The following DAPK1 variants were observed in gnomAD, a reference collection of about 807,000 sequenced individuals.
DAPK1 encodes death-associated protein kinase 1.
DAPK1 carries 56 observed loss-of-function variants against 144.9 expected under a neutral mutation model. The ratio of observed to expected loss-of-function variants is 0.39; its 90% CI spans 0.31 to 0.48. The LOEUF (loss-of-function observed/expected upper bound fraction) is 0.48, where lower values mean the gene tolerates loss of function less well. Ranked by LOEUF, DAPK1 falls within the 20% of genes least tolerant of loss-of-function variation. The pLI, the probability that DAPK1 is intolerant of heterozygous loss-of-function variation, is 0.95. For synonymous variants in DAPK1, 690 were observed against 749.0 expected (o/e 0.92, Z 1.29); for missense variants, 1,454 against 1,875.4 (o/e 0.78, Z 4.15).
intron 2 of DAPK1, among the ~76,000 whole-genome samples, chr9:87,552,210 C>A (rs1158548900): frequency 1.3e-5 from 2 of 152,096 alleles, no homozygotes; most frequent in Non-Finnish European, 2.9e-5. Context: ...GGGGATACTG[C>A]TTGGCAGGAA....
chr9:87,672,339 A>G (rs1824200650), intron 19 of DAPK1, among the ~76,000 whole-genome samples: 1 of 152,176 alleles, frequency 6.6e-6, no homozygotes, highest in Non-Finnish European at 1.5e-5. Flanking sequence ...TGCTGCAGGA[A>G]ACCTGGATTC....
intron 2 of DAPK1, among the ~76,000 whole-genome samples, chr9:87,516,245 T>A (rs922725280): frequency 2.6e-5 from 4 of 152,144 alleles, no homozygotes; most frequent in Admixed American, 6.5e-5. Context: ...TTCCAGATCC[T>A]CTTGCACACT....
At chr9:87,605,258 C>A in intron 3 of DAPK1, 83 bp downstream of exon 3, 2 of 1,147,242 alleles carry the variant, frequency 1.7e-6, no homozygotes, top group Non-Finnish European at 2.6e-6. Flanking sequence ...CACGCCACAG[C>A]GAGCCCGAGA....
At chr9:87,595,654 C>T (rs1828288275) in intron 2 of DAPK1, among the ~76,000 whole-genome samples, 1 of 152,212 alleles carries the variant, frequency 6.6e-6, no homozygotes. Flanking sequence ...TCGGTTATGC[C>T]ACCTTCTTCT....
chr9:87,553,243 TG>T (rs35812085), intron 2 of DAPK1, among the ~76,000 whole-genome samples: 14 of 151,176 alleles, frequency 9.3e-5, no homozygotes, highest in African/African-American at 3.2e-4. Context: ...GTCTGTCATG[TG>T]GGGGGGGTTG....
At chr9:87,656,651 G>A (rs1050831161) in intron 17 of DAPK1, among the ~76,000 whole-genome samples, 1 of 152,212 alleles carries the variant, frequency 6.6e-6, no homozygotes, top group African/African-American at 2.4e-5. Context: ...GAGCTGCCTA[G>A]CCTCCCGCCT....
At chr9:87,604,881 C>A in intron 2 of DAPK1, 73 bp from the exon 3 acceptor site, 1 of 1,401,514 alleles carries the variant, frequency 7.1e-7, no homozygotes, top group Non-Finnish European at 9.9e-7. Flanking sequence ...TCCCCCTCTG[C>A]ACCATGCCAC....
intron 3 of DAPK1, among the ~76,000 whole-genome samples, chr9:87,629,127 T>C (rs2119081402): frequency 6.6e-6 from 1 of 152,334 alleles, no homozygotes; most frequent in East Asian, 1.9e-4. Flanking sequence ...TTACATTCTT[T>C]GCAGATGTAA....
In DAPK1 at chr9:87,707,115, G is replaced by A. The variant is rs951197099; in HGVS notation, c.4044G>A (p.Gly1348=). ...TGGCAAAGTACAACACCAGTAACGGGGCTCCCAAGGATTTCCTCCCCAGCC... is the reference window on the plus strand; with the variant it reads ...TGGCAAAGTACAACACCAGTAACGGAGCTCCCAAGGATTTCCTCCCCAGCC... ...DLVAKYNTSN[G]APKDFLPSPL... Residue 1348 remains glycine, a synonymous_variant, in exon 26 of 26, where the codon GGG becomes GGA. Transcript: ENST00000408954. This position sits in a 1 kb window ranked among gnomAD's most constrained non-coding sequence, Gnocchi z 4.0. 1 of 1,613,826 alleles carries A rather than the reference G, an allele frequency of 6.2e-7. No homozygotes were observed. Among genetic ancestry groups the A allele is most frequent in the Admixed American group, 1.7e-5 (1 of 59,986 alleles).
intron 2 of DAPK1, among the ~76,000 whole-genome samples, chr9:87,571,493 A>ACACAC (rs1564001003): frequency 2.3e-4 from 11 of 47,038 alleles, no homozygotes; most frequent in Non-Finnish European, 3.4e-4. Context: ...ACACACACAC[A>ACACAC]CCCCAACACA....
At chr9:87,510,168 C>T (rs946288913) in intron 2 of DAPK1, among the ~76,000 whole-genome samples, 2 of 152,168 alleles carry the variant, frequency 1.3e-5, no homozygotes, top group African/African-American at 4.8e-5. Flanking sequence ...CCCACCCCTT[C>T]GTTGGCTGGA....
chr9:87,619,301 T>C (rs1332262252), intron 3 of DAPK1, among the ~76,000 whole-genome samples: 1 of 152,234 alleles, frequency 6.6e-6, no homozygotes. Flanking sequence ...TGCAGTGGAC[T>C]GTGAGCTTCC....
intron 25 of DAPK1, among the ~76,000 whole-genome samples, chr9:87,705,891 G>A (rs917726716): frequency 6.6e-6 from 1 of 151,378 alleles, no homozygotes; most frequent in African/African-American, 2.4e-5. Flanking sequence ...TCATTTCGCT[G>A]GCCTTTTTGA....
intron 2 of DAPK1, among the ~76,000 whole-genome samples, chr9:87,593,107 C>T (rs1161371352): frequency 6.6e-6 from 1 of 152,184 alleles, no homozygotes; most frequent in Non-Finnish European, 1.5e-5. Context: ...CACGGAAGAC[C>T]CCAAAGAAGC....
At position 87,701,909 on chromosome 9, in the gene DAPK1, C is replaced by T. The variant is rs1245022723; in HGVS notation, c.2872-1120C>T. 1.7e-5 allele frequency: 8 copies of T among 469,150 alleles called. 1 individual carries two copies. The highest frequency in any genetic ancestry group is 7.0e-5 in the East Asian group (1 of 14,370). The allele number at this position is 469,150 out of a possible 1,614,324, so 29.1% of individuals were successfully genotyped here. On this transcript the variant is annotated intron_variant, in intron 24 of 25. Transcript: ENST00000408954. ...CATCATCAGAAGATAGGGGGTAGTCCGGTGAGGCCTGGGAGGAATCTGTCA... is the reference window on the plus strand; with the variant it reads ...CATCATCAGAAGATAGGGGGTAGTCTGGTGAGGCCTGGGAGGAATCTGTCA...
At chr9:87,535,258 G>T (rs932279942) in intron 2 of DAPK1, among the ~76,000 whole-genome samples, 1 of 152,050 alleles carries the variant, frequency 6.6e-6, no homozygotes, top group Admixed American at 6.5e-5. Flanking sequence ...TAAGGATGGG[G>T]GGATTACTGT....
chr9:87,678,746 G>A (rs1428792605), intron 19 of DAPK1, among the ~76,000 whole-genome samples: 1 of 152,102 alleles, frequency 6.6e-6, no homozygotes, highest in Non-Finnish European at 1.5e-5. Context: ...AGAATTCTTC[G>A]CTGTGAGGGG....
chr9:87,633,226 G>C (rs1401044482), intron 3 of DAPK1: 2 of 984,248 alleles, frequency 2.0e-6, no homozygotes, highest in Non-Finnish European at 2.4e-6. Context: ...TACATATGTA[G>C]GGATGAAGGA....
chr9:87,647,549 C>G (rs887921936), intron 14 of DAPK1, 146 bp downstream of exon 14: 2 of 710,264 alleles, frequency 2.8e-6, no homozygotes, highest in South Asian at 1.7e-5. Context: ...TTGGAAATGT[C>G]TTGTTGCCTG....
Sources: gnomAD v4.1 joint callset for allele counts (sites outside exome capture counted in the v4.1 genomes callset) on GRCh38, gnomAD v4.1.1 for gene constraint, Gnocchi (gnomAD v3.1) non-coding constraint, MANE v1.5 for transcripts, NCBI Gene and HGNC (gene_info 2026-07-23, HGNC 2026-07-21) for gene names.